ROBO2: variants seen among roughly 807,000 people sequenced by gnomAD.
ROBO2 encodes the protein roundabout guidance receptor 2.
In ROBO2, 53 loss-of-function variants were observed where a neutral mutation model predicts 160.8. The ratio of observed to expected loss-of-function variants is 0.33; its 90% CI spans 0.26 to 0.41. ROBO2 has a LOEUF of 0.41. Among genes scored for constraint, ROBO2 ranks in the 10% least tolerant of loss-of-function variants. The pLI is 1.00. For missense variants in ROBO2, 1,577 were observed against 1,722.4 expected (o/e 0.92, Z 1.49); for synonymous variants, 664 against 611.7 (o/e 1.09, Z -1.26).
intron 2 of ROBO2, among the ~76,000 whole-genome samples, chr3:76,474,388 G>T (rs12491582): frequency 6.6e-6 from 1 of 151,824 alleles, no homozygotes; most frequent in Non-Finnish European, 1.5e-5. Context: ...TATCCACTTA[G>T]CTGCTAGCTA....
intron 2 of ROBO2, among the ~76,000 whole-genome samples, chr3:76,364,958 G>GC (rs1435908503): frequency 1.3e-5 from 2 of 151,940 alleles, no homozygotes; most frequent in Non-Finnish European, 2.9e-5. Context: ...ATTTATCTTT[G>GC]CCCCCAACTT....
chr3:76,762,903 C>T (rs150000873), intron 2 of ROBO2, among the ~76,000 whole-genome samples: 148 of 151,782 alleles, frequency 9.8e-4, no homozygotes, highest in Non-Finnish European at 1.8e-3. Flanking sequence ...TTTCCCCAAC[C>T]TCTTTCATTC....
chr3:76,213,754 G>T (rs767693728), intron 2 of ROBO2, among the ~76,000 whole-genome samples: 3 of 152,060 alleles, frequency 2.0e-5, no homozygotes, highest in Non-Finnish European at 4.4e-5. Context: ...TGAATGTCAA[G>T]TTCTTATTAG....
At chr3:76,990,690 G>A (rs2060616526) in intron 2 of ROBO2, among the ~76,000 whole-genome samples, 1 of 152,118 alleles carries the variant, frequency 6.6e-6, no homozygotes, top group African/African-American at 2.4e-5. Flanking sequence ...GCTAGGGAAA[G>A]GAAAGGCAGT....
intron 1 of ROBO2, among the ~76,000 whole-genome samples, chr3:77,095,527 C>G (rs746825330): frequency 6.6e-6 from 1 of 152,022 alleles, no homozygotes; most frequent in Middle Eastern, 3.2e-3. Flanking sequence ...AATAGTAGAA[C>G]AGTTTTGCAG....
chr3:77,004,875 T>C (rs898543425), intron 2 of ROBO2, among the ~76,000 whole-genome samples: 1 of 152,078 alleles, frequency 6.6e-6, no homozygotes, highest in South Asian at 2.1e-4. Context: ...GACACAGTAT[T>C]CCCCAGAATT....
At chr3:76,168,775 A>G (rs886501788) in intron 2 of ROBO2, among the ~76,000 whole-genome samples, 3 of 152,064 alleles carry the variant, frequency 2.0e-5, no homozygotes, top group Non-Finnish European at 4.4e-5. Context: ...ATGATAAATA[A>G]AATATAAGTG....
intron 2 of ROBO2, among the ~76,000 whole-genome samples, chr3:76,417,067 A>G (rs146028435): frequency 7.4e-6 from 1 of 135,800 alleles, no homozygotes; most frequent in African/African-American, 2.8e-5. Flanking sequence ...TAGCATAAAT[A>G]CTGAACACCT....
chr3:75,957,906 AC>A (rs1288083754), intron 2 of ROBO2, among the ~76,000 whole-genome samples: 1 of 151,596 alleles, frequency 6.6e-6, no homozygotes, highest in African/African-American at 2.4e-5. Flanking sequence ...TCTCATCTTA[AC>A]TTTTTAATCT....
intron 4 of ROBO2, among the ~76,000 whole-genome samples, chr3:77,488,221 G>A (rs2085618230): frequency 6.6e-6 from 1 of 152,124 alleles, no homozygotes; most frequent in African/African-American, 2.4e-5. Flanking sequence ...ACTGTCCCAA[G>A]AGAGATTAAC....
At chr3:77,557,525 A>G (rs1582927512) in intron 8 of ROBO2, among the ~76,000 whole-genome samples, 1 of 152,046 alleles carries the variant, frequency 6.6e-6, no homozygotes, top group East Asian at 1.9e-4. Flanking sequence ...GGCTGTACTC[A>G]TATGATACTT....
At chr3:77,320,777 T>C (rs1012374168) in intron 2 of ROBO2, among the ~76,000 whole-genome samples, 1 of 152,194 alleles carries the variant, frequency 6.6e-6, no homozygotes, top group Non-Finnish European at 1.5e-5. Context: ...ACTTGTAGAC[T>C]ACAAGCGATT....
At chr3:76,824,429 A>G (rs892839582) in intron 2 of ROBO2, among the ~76,000 whole-genome samples, 1 of 152,194 alleles carries the variant, frequency 6.6e-6, no homozygotes, top group Non-Finnish European at 1.5e-5. Flanking sequence ...GTAAAGAAGC[A>G]GATTTTAGTG....
intron 2 of ROBO2, among the ~76,000 whole-genome samples, chr3:76,147,628 A>C (rs973952230): frequency 6.6e-6 from 1 of 152,062 alleles, no homozygotes; most frequent in Admixed American, 6.6e-5. Context: ...GCTCAGTAAC[A>C]TAACAATACA....
intron 2 of ROBO2, among the ~76,000 whole-genome samples, chr3:77,372,597 A>T (rs566496686): frequency 6.6e-6 from 1 of 152,282 alleles, no homozygotes; most frequent in East Asian, 1.9e-4. Flanking sequence ...TGCTTCTACC[A>T]ACTTTGTAAG....
chr3:76,654,987 A>G (rs1037442279), intron 2 of ROBO2, among the ~76,000 whole-genome samples: 1 of 149,966 alleles, frequency 6.7e-6, no homozygotes, highest in African/African-American at 2.4e-5. Flanking sequence ...AAGATACCTT[A>G]ATATTCACTT....
intron 2 of ROBO2, among the ~76,000 whole-genome samples, chr3:76,033,706 C>T (rs1474110459): frequency 1.3e-5 from 2 of 152,186 alleles, no homozygotes; most frequent in African/African-American, 2.4e-5. Flanking sequence ...GATAACTCGT[C>T]CATGATTGAA....
intron 2 of ROBO2, among the ~76,000 whole-genome samples, chr3:76,750,765 AT>A: frequency 6.6e-6 from 1 of 152,278 alleles, no homozygotes; most frequent in East Asian, 1.9e-4. Flanking sequence ...TTCAAGGAGA[AT>A]TAGAAACTAC....
chr3:76,485,695 G>A (rs569690695), intron 2 of ROBO2, among the ~76,000 whole-genome samples: 1 of 152,186 alleles, frequency 6.6e-6, no homozygotes, highest in South Asian at 2.1e-4. Context: ...GGTAAGGGTT[G>A]CTGTTTGTAC....
Sources: gnomAD v4.1 joint callset for allele counts (sites outside exome capture counted in the v4.1 genomes callset) on GRCh38, gnomAD v4.1.1 for gene constraint, MANE v1.5 for transcripts, NCBI Gene and HGNC (gene_info 2026-07-23, HGNC 2026-07-21) for gene names.